The following TRPC7 variants were observed in gnomAD, a reference collection of about 807,000 sequenced individuals.
TRPC7 encodes transient receptor potential cation channel subfamily C member 7.
Under a neutral mutation model 90.1 loss-of-function variants are expected in TRPC7, and 42 were observed. The observed-to-expected ratio is 0.47, with a 90% CI of 0.36 to 0.60. The LOEUF is 0.60. Among genes scored for constraint, TRPC7 ranks in the 20% least tolerant of loss-of-function variants. The pLI is 0.00. For missense variants in TRPC7, 955 were observed against 1,112.3 expected (o/e 0.86, Z 2.01); for synonymous variants, 451 against 436.3 (o/e 1.03, Z -0.42).
At chr5:136,270,665 T>C (rs1038433136) in intron 4 of TRPC7, among the ~76,000 whole-genome samples, 12 of 152,180 alleles carry the variant, frequency 7.9e-5, no homozygotes, top group Non-Finnish European at 1.5e-4. Flanking sequence ...GATTTTCTAG[T>C]GTGGAGAGAC....
intron 3 of TRPC7, among the ~76,000 whole-genome samples, chr5:136,290,853 G>A (rs960045911): frequency 6.6e-6 from 1 of 152,190 alleles, no homozygotes. Context: ...ATTCACCAAA[G>A]TTGAAATGAA....
intron 3 of TRPC7, chr5:136,314,324 T>G (rs1037894564): frequency 6.6e-6 from 1 of 152,160 alleles, no homozygotes; most frequent in Non-Finnish European, 1.5e-5. Context: ...CTTCAGGGAG[T>G]GACTGCGTAC....
chr5:136,293,942 G>T (rs1758060959), intron 3 of TRPC7, among the ~76,000 whole-genome samples: 1 of 152,048 alleles, frequency 6.6e-6, no homozygotes, highest in Non-Finnish European at 1.5e-5. Context: ...CCAAAACAGA[G>T]ATATAGACCA....
chr5:136,342,215 C>T (rs1265038635), intron 2 of TRPC7, among the ~76,000 whole-genome samples: 2 of 152,178 alleles, frequency 1.3e-5, no homozygotes, highest in African/African-American at 4.8e-5. Flanking sequence ...TGCCTGGGTC[C>T]TGCATGGTCC....
chr5:136,225,149 AT>A, intron 10 of TRPC7, 124 bp downstream of exon 10: 1 of 826,396 alleles, frequency 1.2e-6, no homozygotes, highest in Non-Finnish European at 1.9e-6. Context: ...CTCAATAAAT[AT>A]TTGTACAATA....
chr5:136,304,035 T>G (rs1758509169), intron 3 of TRPC7, among the ~76,000 whole-genome samples: 2 of 151,556 alleles, frequency 1.3e-5, no homozygotes, highest in African/African-American at 4.9e-5. Context: ...TAAGCACTCC[T>G]TTTTAGTTAT....
At chr5:136,317,460 G>T (rs1329568756) in intron 2 of TRPC7, among the ~76,000 whole-genome samples, 1 of 152,176 alleles carries the variant, frequency 6.6e-6, no homozygotes, top group Non-Finnish European at 1.5e-5. Context: ...AGTGAAACTT[G>T]CTCAGATCTT....
chr5:136,307,189 T>C (rs1758666419), intron 3 of TRPC7, among the ~76,000 whole-genome samples: 1 of 152,324 alleles, frequency 6.6e-6, no homozygotes, highest in African/African-American at 2.4e-5. Context: ...ATATAATACA[T>C]TTTTATTTAT....
chr5:136,271,044 T>A (rs1184075953), intron 4 of TRPC7, among the ~76,000 whole-genome samples: 4 of 152,168 alleles, frequency 2.6e-5, no homozygotes, highest in Admixed American at 2.6e-4. Context: ...TGAGGACCCC[T>A]TTCAAGCCAT....
At chr5:136,223,302 G>A (rs1055551058) in intron 10 of TRPC7, among the ~76,000 whole-genome samples, 3 of 152,240 alleles carry the variant, frequency 2.0e-5, no homozygotes, top group Admixed American at 1.3e-4. Context: ...AGATGGGACT[G>A]CTTTGAGACT....
chr5:136,220,185 C>A (rs1406174354), intron 10 of TRPC7, among the ~76,000 whole-genome samples: 1 of 152,262 alleles, frequency 6.6e-6, no homozygotes, highest in Non-Finnish European at 1.5e-5. Flanking sequence ...AATATGAAAT[C>A]AGTGCACCTT....
chr5:136,318,964 C>A (rs576178786), intron 2 of TRPC7, among the ~76,000 whole-genome samples: 5 of 152,062 alleles, frequency 3.3e-5, no homozygotes, highest in Admixed American at 1.3e-4. Context: ...AAAAGCCTGA[C>A]CTTGGTTGGG....
chr5:136,262,227 C>T (rs771507392), intron 5 of TRPC7, among the ~76,000 whole-genome samples: 1 of 152,158 alleles, frequency 6.6e-6, no homozygotes, highest in East Asian at 1.9e-4. Flanking sequence ...AAACTGAAGT[C>T]GTATGATGTC....
At position 136,226,244 on chromosome 5, in the gene TRPC7, A is replaced by G. The variant is rs748962753; in HGVS notation, c.2052T>C (p.Asp684=). Residue 684 remains aspartate, a synonymous_variant, in exon 9 of 12, where the codon GAT becomes GAC. Coordinates refer to ENST00000513104, the MANE Select transcript of TRPC7 (RefSeq NM_020389.3). The part of the protein sequence containing the change: ...NSYQEIEEDA[D]VEWKFARAKL... Reference sequence around the variant, plus strand: ...TTGCTCGGGCGAACTTCCATTCCACATCTGCATCCTCCTGTGGAACAAGGG... The same window carrying G: ...TTGCTCGGGCGAACTTCCATTCCACGTCTGCATCCTCCTGTGGAACAAGGG... 61 of 1,551,418 alleles carry G rather than the reference A, an allele frequency of 3.9e-5. No homozygotes were observed. The highest frequency in any genetic ancestry group is 5.9e-5 in the Admixed American group (3 of 50,964).
intron 7 of TRPC7, among the ~76,000 whole-genome samples, chr5:136,244,510 TTGACTC>T (rs1756274489): frequency 6.6e-6 from 1 of 152,230 alleles, no homozygotes; most frequent in Non-Finnish European, 1.5e-5. Flanking sequence ...TTTGACTACT[TTGACTC>T]TGGCTTCCTT....
chr5:136,363,781 C>T (rs1380437674), intron 1 of TRPC7, among the ~76,000 whole-genome samples: 2 of 152,056 alleles, frequency 1.3e-5, no homozygotes, highest in Non-Finnish European at 2.9e-5. Context: ...GTCCTAGGTA[C>T]CACCTATCCA....
chr5:136,332,271 A>G lies in TRPC7; in HGVS notation c.781-16492T>C, dbSNP rs552025265. On this transcript the variant is annotated intron_variant, in intron 2 of 11. Coordinates refer to ENST00000513104, the MANE Select transcript of TRPC7 (RefSeq NM_020389.3). ...AGCTAAGAGGCCAGCCCTAGGTGCA[A>G]TGTGGGTAGGAGTGGAACAGGAAGA... is the stretch of plus-strand genomic sequence containing the variant. Among the ~76,000 whole-genome samples the G allele has an allele frequency of 3.3e-5, 5 of 152,228 alleles. No homozygotes were observed. In the South Asian group the frequency reaches 6.2e-4, roughly 19 times the overall value.
chr5:136,306,193 A>G (rs1016338194), intron 3 of TRPC7, among the ~76,000 whole-genome samples: 2 of 152,176 alleles, frequency 1.3e-5, no homozygotes, highest in Admixed American at 1.3e-4. Context: ...TCTTGAAGTA[A>G]ATAAATAATC....
chr5:136,235,794 CA>C (rs2149798952), intron 7 of TRPC7, among the ~76,000 whole-genome samples: 2 of 152,332 alleles, frequency 1.3e-5, no homozygotes, highest in South Asian at 4.1e-4. Context: ...ACTGGCTCTA[CA>C]ACCTCTTTCC....
Sources: gnomAD v4.1 joint callset for allele counts (sites outside exome capture counted in the v4.1 genomes callset) on GRCh38, gnomAD v4.1.1 for gene constraint, MANE v1.5 for transcripts, NCBI Gene and HGNC (gene_info 2026-07-23, HGNC 2026-07-21) for gene names.